The following SENP7 variants were observed in gnomAD, a reference collection of about 807,000 sequenced individuals.
SENP7 encodes sentrin-specific protease 7.
SENP7 carries 64 observed loss-of-function variants against 141.2 expected under a neutral mutation model. The observed-to-expected ratio is 0.45, with a 90% confidence interval of 0.37 to 0.56. The LOEUF is 0.56. Among genes scored for constraint, SENP7 ranks in the 20% least tolerant of loss-of-function variants. SENP7 has a pLI of 0.00. For missense variants in SENP7, 1,025 were observed against 1,212.2 expected, an observed-to-expected ratio of 0.85 and a Z score of 2.29; for synonymous variants, 382 against 426.4, an observed-to-expected ratio of 0.90 and a Z score of 1.28.
chr3:101,413,766 C>G (rs1420600544), intron 5 of SENP7, among the ~76,000 whole-genome samples: 2 of 147,156 alleles, frequency 1.4e-5, no homozygotes, highest in African/African-American at 2.5e-5. Flanking sequence ...GACAAGAAAA[C>G]AAACAGGATG....
At chr3:101,417,510 T>C in intron 5 of SENP7, 83 bp downstream of exon 5, 1 of 1,160,332 alleles carries the variant, frequency 8.6e-7, no homozygotes. Context: ...TCAGGTCATT[T>C]CAACAATTTT....
rs563281627 is a variant in SENP7, at chr3:101,390,219, C to CAA, written c.677+8640_677+8641dup. ...TGGGCAACAGAGCGAGACTCTGTCT[C>CAA]AAAAAAAAAAAAAAAAAAAAAAAAC... On this transcript the variant is annotated intron_variant, in intron 6 of 23. Transcript: ENST00000394095. 9.2e-3 allele frequency among the ~76,000 whole-genome samples: 677 copies of CAA among 73,430 alleles called. 5 individuals carry two copies. Among genetic ancestry groups the CAA allele is most frequent in the African/African-American group, 0.029 (499 of 17,388 alleles). The allele number at this position is 73,430 out of a possible 152,430, so 48.2% of individuals were successfully genotyped here.
intron 3 of SENP7, among the ~76,000 whole-genome samples, chr3:101,474,739 G>C (rs536601802): frequency 1.3e-4 from 20 of 152,186 alleles, no homozygotes; most frequent in African/African-American, 4.8e-4. Context: ...ATGACAGTGG[G>C]CATCCTGGTC....
chr3:101,337,627 G>T lies in SENP7; in HGVS notation c.2362C>A (p.Leu788Ile). Reference protein sequence around the residue: ...DVIIDFYLKYLILEKASDELV... With the variant: ...DVIIDFYLKYIILEKASDELV... Reference sequence around the variant, plus strand: ...TCATCTGATGCCTTCTCCAATATAAGATACCTGTAAAGTAGTAACCCCACA... The same window carrying T: ...TCATCTGATGCCTTCTCCAATATAATATACCTGTAAAGTAGTAACCCCACA... Residue 788 changes from leucine (L) to isoleucine (I), a missense_variant, in exon 17 of 24, where the codon CTT (leucine) becomes ATT (isoleucine). Physicochemically the swap from Leu to Ile is conservative, Grantham distance 5. Transcript: ENST00000394095. 6.3e-7 allele frequency: 1 copy of T among 1,596,550 alleles called. No homozygotes were observed. The highest frequency in any genetic ancestry group is 8.5e-7 in the Non-Finnish European group (1 of 1,173,240).
intron 3 of SENP7, among the ~76,000 whole-genome samples, chr3:101,462,010 G>T (rs1262580585): frequency 6.6e-6 from 1 of 152,170 alleles, no homozygotes; most frequent in Non-Finnish European, 1.5e-5. Flanking sequence ...CTGGGAAGTT[G>T]GCAGAATAGA....
intron 11 of SENP7, among the ~76,000 whole-genome samples, chr3:101,360,336 T>C (rs886926952): frequency 7.2e-5 from 11 of 152,234 alleles, no homozygotes; most frequent in African/African-American, 2.7e-4. Flanking sequence ...ATGTGCTGTC[T>C]TCTCTGTGAA....
chr3:101,416,861 T>C (rs2061639366), intron 5 of SENP7, among the ~76,000 whole-genome samples: 1 of 152,166 alleles, frequency 6.6e-6, no homozygotes, highest in Non-Finnish European at 1.5e-5. Context: ...CAAAGTACTG[T>C]CTCGCTAATT....
At chr3:101,440,581 T>TAAAAAAA (rs58673443) in intron 4 of SENP7, among the ~76,000 whole-genome samples, 1 of 124,912 alleles carries the variant, frequency 8.0e-6, no homozygotes, top group Non-Finnish European at 1.7e-5. Flanking sequence ...AAAAATAAAT[T>TAAAAAAA]AAAAAAAAAA....
intron 4 of SENP7, among the ~76,000 whole-genome samples, chr3:101,444,481 T>C (rs373472189): frequency 6.6e-6 from 1 of 151,932 alleles, no homozygotes; most frequent in Non-Finnish European, 1.5e-5. Context: ...AGCAAAGACT[T>C]GGAACCAACC....
At chr3:101,383,199 A>G (rs370568021) in intron 6 of SENP7, among the ~76,000 whole-genome samples, 3 of 152,242 alleles carry the variant, frequency 2.0e-5, no homozygotes, top group Non-Finnish European at 2.9e-5. Context: ...TTCTTGCTAC[A>G]TCTGGTTAAG....
intron 16 of SENP7, 149 bp downstream of exon 16, chr3:101,339,945 GA>G: frequency 2.1e-6 from 2 of 942,402 alleles, no homozygotes; most frequent in South Asian, 4.1e-5. Context: ...GTCAATTCTA[GA>G]AAACCTTGGT....
In SENP7 at chr3:101,357,070, G is replaced by A. The variant is rs191291025; in HGVS notation, c.1623+4645C>T. Reference sequence around the variant, plus strand: ...GGCTGGAGTGCAATGGCGCAATCTCGGCTCACTGCAACCTCCGCCTCCTGG... The same window carrying A: ...GGCTGGAGTGCAATGGCGCAATCTCAGCTCACTGCAACCTCCGCCTCCTGG... On this transcript the variant is annotated intron_variant, in intron 11 of 23. Transcript: ENST00000394095. 1.5e-3 allele frequency among the ~76,000 whole-genome samples: 231 copies of A among 151,786 alleles called. 1 individual carries two copies. The highest frequency in any genetic ancestry group is 2.4e-3 in the African/African-American group (98 of 41,366).
intron 12 of SENP7, among the ~76,000 whole-genome samples, chr3:101,348,443 T>C (rs1024994836): frequency 6.6e-6 from 1 of 152,136 alleles, no homozygotes; most frequent in Non-Finnish European, 1.5e-5. Flanking sequence ...GAAAAAAATG[T>C]CTATCAGTGC....
intron 6 of SENP7, among the ~76,000 whole-genome samples, chr3:101,374,150 T>C (rs1001573689): frequency 1.3e-5 from 2 of 152,114 alleles, no homozygotes; most frequent in Non-Finnish European, 2.9e-5. Flanking sequence ...GAACAAACTT[T>C]CAAATATATG....
chr3:101,505,474 T>G (rs1366116461), intron 1 of SENP7, among the ~76,000 whole-genome samples: 1 of 152,192 alleles, frequency 6.6e-6, no homozygotes, highest in Non-Finnish European at 1.5e-5. Flanking sequence ...GTTCCCCTAT[T>G]TCCTTTCATT....
intron 16 of SENP7, 82 bp downstream of exon 16, chr3:101,340,013 A>C: frequency 4.2e-6 from 6 of 1,434,592 alleles, no homozygotes; most frequent in Non-Finnish European, 5.5e-6. Context: ...AGAATTTAAA[A>C]TAATTCAGAG....
At position 101,337,556 on chromosome 3, in the gene SENP7, G is replaced by A. The variant is rs1195390056; in HGVS notation, c.2433C>T (p.Cys811=). Residue 811 remains cysteine, a synonymous_variant, in exon 17 of 24, where the codon TGC becomes TGT. Transcript: ENST00000394095. ...SHIFSSFFYK[C]LTRKENNLTE... is the part of the protein sequence containing the mutation. The stretch of plus-strand genomic sequence containing the variant: ...TTAAATTATTTTCCTTTCTTGTCAA[G>A]CATTTATAGAAAAAGCTACTAAAAA... 1 of 1,576,894 alleles carries A rather than the reference G, an allele frequency of 6.3e-7. No individual in the cohort carries two copies. The highest frequency in any genetic ancestry group is 8.7e-7 in the Non-Finnish European group (1 of 1,149,096).
intron 19 of SENP7, 81 bp from the exon 20 acceptor site, chr3:101,330,467 T>G (rs2059020325): frequency 2.2e-6 from 2 of 892,866 alleles, no homozygotes; most frequent in Admixed American, 2.3e-5. Context: ...AAAATTATAA[T>G]TTTTATGCAG....
chr3:101,465,867 A>G (rs1295820053), intron 3 of SENP7, among the ~76,000 whole-genome samples: 1 of 152,200 alleles, frequency 6.6e-6, no homozygotes, highest in Non-Finnish European at 1.5e-5. Flanking sequence ...ACTAAGTGAG[A>G]TATTTTTTAA....
Sources: gnomAD v4.1 joint callset for allele counts (sites outside exome capture counted in the v4.1 genomes callset) on GRCh38, gnomAD v4.1.1 for gene constraint, MANE v1.5 for transcripts, NCBI Gene and HGNC (gene_info 2026-07-23, HGNC 2026-07-21) for gene names.